The following NDST4 variants were observed in gnomAD, a reference collection of about 807,000 sequenced individuals.
NDST4 encodes the protein N-deacetylase and N-sulfotransferase 4.
A neutral mutation model predicts 100.8 loss-of-function variants in NDST4; 63 were observed. The ratio of observed to expected loss-of-function variants is 0.62; its 90% CI spans 0.51 to 0.77. The LOEUF is 0.77. Ranked by LOEUF, NDST4 falls within the 30% of genes least tolerant of loss-of-function variation. The probability of loss-of-function intolerance (pLI) is 0.00; values close to 1 mark genes in which losing one functional copy is unlikely to be tolerated. For synonymous variants in NDST4, 377 were observed against 361.8 expected, an observed-to-expected ratio of 1.04 and a Z score of -0.48; for missense variants, 943 against 1,018.4, an observed-to-expected ratio of 0.93 and a Z score of 1.01.
intron 2 of NDST4, among the ~76,000 whole-genome samples, chr4:114,997,786 A>T (rs946045079): frequency 6.6e-6 from 1 of 152,114 alleles, no homozygotes; most frequent in Non-Finnish European, 1.5e-5. Context: ...CTCAGAGAGA[A>T]CTATGACTCA....
chr4:115,071,843 A>G (rs1729084740), intron 2 of NDST4, among the ~76,000 whole-genome samples: 1 of 152,168 alleles, frequency 6.6e-6, no homozygotes, highest in Admixed American at 6.6e-5. Context: ...ATAAAGTCAA[A>G]AAGCAAAAAC....
chr4:114,991,141 T>G (rs1727030121), intron 2 of NDST4, among the ~76,000 whole-genome samples: 1 of 152,074 alleles, frequency 6.6e-6, no homozygotes, highest in South Asian at 2.1e-4. Flanking sequence ...GAGTATAGAC[T>G]GGTGTAGGCC....
chr4:114,917,966 A>T (rs751990041), intron 6 of NDST4, among the ~76,000 whole-genome samples: 1 of 152,208 alleles, frequency 6.6e-6, no homozygotes, highest in Non-Finnish European at 1.5e-5. Context: ...GATTTATTAC[A>T]TTAAAAATAA....
At chr4:114,854,454 C>T (rs1175806910) in intron 7 of NDST4, among the ~76,000 whole-genome samples, 1 of 152,050 alleles carries the variant, frequency 6.6e-6, no homozygotes, top group Non-Finnish European at 1.5e-5. Flanking sequence ...GCAGGTATCT[C>T]TTCAATATAC....
intron 2 of NDST4, among the ~76,000 whole-genome samples, chr4:115,029,347 T>C (rs1728057572): frequency 6.6e-6 from 1 of 152,038 alleles, no homozygotes; most frequent in Non-Finnish European, 1.5e-5. Flanking sequence ...GAGATGGGAT[T>C]GTGGCACAGG....
chr4:114,914,011 T>G (rs1249835994), intron 6 of NDST4, among the ~76,000 whole-genome samples: 1 of 152,060 alleles, frequency 6.6e-6, no homozygotes, highest in Non-Finnish European at 1.5e-5. Context: ...AAAAATGGAA[T>G]AAGATCCTGT....
chr4:115,112,223 A>G (rs899207567), intron 1 of NDST4, among the ~76,000 whole-genome samples: 1 of 151,520 alleles, frequency 6.6e-6, no homozygotes, highest in Non-Finnish European at 1.5e-5. Context: ...AAACCTTTAC[A>G]TCGTTGTGGG....
At position 115,057,456 on chromosome 4, in the gene NDST4, GAA is replaced by G. The variant is rs141799105; in HGVS notation, c.978+18601_978+18602del. 3.6e-3 allele frequency among the ~76,000 whole-genome samples: 549 copies of G among 152,022 alleles called. 6 individuals carry two copies. Among genetic ancestry groups the G allele is most frequent in the African/African-American group, 0.013 (528 of 41,494 alleles). ...GGAAAGGAGAGGAGGAGAGAGAGAAGAAAGAGAACTGCCCAGCAATATAGCAA... is the reference window on the plus strand; with the variant it reads ...GGAAAGGAGAGGAGGAGAGAGAGAAGAGAGAACTGCCCAGCAATATAGCAA... On this transcript the variant is annotated intron_variant, in intron 2 of 13. Coordinates refer to ENST00000264363, the MANE Select transcript of NDST4 (RefSeq NM_022569.3).
At chr4:114,832,454 C>A (rs1182648804) in intron 12 of NDST4, among the ~76,000 whole-genome samples, 1 of 152,148 alleles carries the variant, frequency 6.6e-6, no homozygotes, top group African/African-American at 2.4e-5. Context: ...GTGGGAGAGG[C>A]TTTTATGAAT....
intron 2 of NDST4, among the ~76,000 whole-genome samples, chr4:115,063,828 A>G (rs1226855944): frequency 3.3e-5 from 5 of 150,214 alleles, no homozygotes; most frequent in Non-Finnish European, 7.4e-5. Flanking sequence ...CTTACCAAAT[A>G]CTTCTTAATA....
chr4:115,103,547 G>A (rs1308782651), intron 1 of NDST4, among the ~76,000 whole-genome samples: 1 of 152,024 alleles, frequency 6.6e-6, no homozygotes, highest in Non-Finnish European at 1.5e-5. Context: ...AATAAACCCT[G>A]TAGTTATGGT....
chr4:114,862,145 C>T (rs1190447041), intron 7 of NDST4, among the ~76,000 whole-genome samples: 3 of 152,050 alleles, frequency 2.0e-5, no homozygotes, highest in African/African-American at 7.2e-5. Context: ...AAACATTTAG[C>T]AATCGGCATA....
chr4:114,884,223 A>G (rs1213303651), intron 6 of NDST4, among the ~76,000 whole-genome samples: 1 of 152,134 alleles, frequency 6.6e-6, no homozygotes, highest in Non-Finnish European at 1.5e-5. Flanking sequence ...TATTGAACTT[A>G]AACACACTCA....
chr4:115,046,565 T>G (rs1728467295), intron 2 of NDST4, among the ~76,000 whole-genome samples: 1 of 152,130 alleles, frequency 6.6e-6, no homozygotes, highest in Non-Finnish European at 1.5e-5. Flanking sequence ...GTAGCCTCCT[T>G]TAATCATTAA....
intron 6 of NDST4, among the ~76,000 whole-genome samples, chr4:114,921,568 A>C (rs1328809681): frequency 6.6e-6 from 1 of 152,212 alleles, no homozygotes; most frequent in African/African-American, 2.4e-5. Context: ...TTTTTTGTCC[A>C]AAAAATAAAA....
intron 7 of NDST4, among the ~76,000 whole-genome samples, chr4:114,856,229 A>G (rs545058871): frequency 1.3e-5 from 2 of 152,076 alleles, no homozygotes; most frequent in African/African-American, 4.8e-5. Context: ...TGCCCAGTTA[A>G]TCTTTTATTT....
intron 3 of NDST4, among the ~76,000 whole-genome samples, chr4:114,972,149 C>T (rs1274446288): frequency 2.0e-5 from 3 of 151,912 alleles, no homozygotes; most frequent in African/African-American, 7.2e-5. Flanking sequence ...GGACTGGATC[C>T]CTTTACCTTG....
intron 6 of NDST4, among the ~76,000 whole-genome samples, chr4:114,902,572 T>C (rs919745148): frequency 2.0e-5 from 3 of 152,054 alleles, no homozygotes; most frequent in South Asian, 2.1e-4. Context: ...TCCTCCTTGA[T>C]ATTCTCTGAG....
chr4:115,111,870 T>C (rs1729959634), intron 1 of NDST4, among the ~76,000 whole-genome samples: 1 of 151,884 alleles, frequency 6.6e-6, no homozygotes, highest in Non-Finnish European at 1.5e-5. Flanking sequence ...GTAAACATTG[T>C]TTAATATTGA....
Sources: allele counts gnomAD v4.1 joint callset (sites outside exome capture counted in the v4.1 genomes callset), GRCh38; gene constraint gnomAD v4.1.1; transcripts MANE v1.5; gene names NCBI Gene and HGNC (gene_info 2026-07-23, HGNC 2026-07-21).